ATF6: variants seen among roughly 807,000 people sequenced by gnomAD.
ATF6 encodes activating transcription factor 6, also known as cyclic AMP-dependent transcription factor ATF-6 alpha.
In ATF6, 53 loss-of-function variants were observed where a neutral mutation model predicts 83.6. That is an observed-to-expected ratio of 0.63 (90% CI 0.51 to 0.80). The LOEUF is 0.80. Among genes scored for constraint, ATF6 ranks in the 30% least tolerant of loss-of-function variants. The pLI is 0.00. For synonymous variants in ATF6, 288 were observed against 285.8 expected (o/e 1.01, Z -0.08); for missense variants, 744 against 797.9 (o/e 0.93, Z 0.81).
intron 7 of ATF6, among the ~76,000 whole-genome samples, chr1:161,813,954 G>A (rs1030840641): frequency 8.1e-5 from 12 of 148,892 alleles, no homozygotes; most frequent in African/African-American, 2.5e-4. Flanking sequence ...GTGTGATCTC[G>A]GCTCACCACA....
intron 14 of ATF6, among the ~76,000 whole-genome samples, chr1:161,896,492 G>C (rs560436583): frequency 3.9e-5 from 6 of 152,306 alleles, no homozygotes; most frequent in African/African-American, 1.2e-4. Context: ...TTAGTGAAGT[G>C]TAGTAATCCC....
At chr1:161,928,619 CT>C (rs77570576) in intron 15 of ATF6, among the ~76,000 whole-genome samples, 1,967 of 138,052 alleles carry the variant, frequency 0.014, 15 homozygotes, top group Non-Finnish European at 0.019. Context: ...ATACAAAAGC[CT>C]TTTTTTTAAA....
intron 9 of ATF6, among the ~76,000 whole-genome samples, chr1:161,832,256 A>C (rs1199038741): frequency 6.6e-6 from 1 of 152,232 alleles, no homozygotes; most frequent in Non-Finnish European, 1.5e-5. Context: ...TATAAAAACA[A>C]TGACCAGGTT....
chr1:161,835,548 G>C (rs1253171131), intron 9 of ATF6, among the ~76,000 whole-genome samples: 1 of 152,058 alleles, frequency 6.6e-6, no homozygotes, highest in Non-Finnish European at 1.5e-5. Context: ...GTATAGTTTT[G>C]TATTTCTTTC....
intron 7 of ATF6, among the ~76,000 whole-genome samples, chr1:161,815,985 T>C (rs1685602391): frequency 6.6e-6 from 1 of 152,198 alleles, no homozygotes; most frequent in Non-Finnish European, 1.5e-5. Context: ...TGGACGTACT[T>C]GAAACTTTGA....
chr1:161,767,380 A>G (rs534827597), intron 1 of ATF6, among the ~76,000 whole-genome samples: 247 of 152,350 alleles, frequency 1.6e-3, no homozygotes, highest in Middle Eastern at 0.014. Flanking sequence ...GATGTTCTCT[A>G]AAACTATATT....
chr1:161,781,077 A>C (rs1299074770), intron 2 of ATF6, among the ~76,000 whole-genome samples: 1 of 152,200 alleles, frequency 6.6e-6, no homozygotes, highest in Non-Finnish European at 1.5e-5. Flanking sequence ...CAGACACTTA[A>C]TTTAAAATAG....
rs1686639106 is a variant in ATF6, at chr1:161,851,822, A to G, written c.1420A>G (p.Thr474Ala). The G allele has an allele frequency of 3.1e-6, 5 of 1,612,322 alleles. No individual in the cohort carries two copies. The highest frequency in any genetic ancestry group is 3.4e-6 in the Non-Finnish European group (4 of 1,178,446). ...PPPCQPLINT[T>A]ESLRLNHELR... ...TCCTTGTCAGCCCCTAATTAACACA[A>G]CAGAGTCTCTCAGGTGAGTGTTGTA... Residue 474 changes from threonine (T) to alanine (A), a missense_variant, in exon 11 of 16, where the codon ACA becomes GCA. Thr to Ala is a moderately conservative substitution (Grantham distance 58, BLOSUM62 0). Coordinates refer to ENST00000367942, the MANE Select transcript of ATF6 (RefSeq NM_007348.4).
chr1:161,877,175 A>C (rs1304270750), intron 14 of ATF6, among the ~76,000 whole-genome samples: 1 of 152,074 alleles, frequency 6.6e-6, no homozygotes, highest in Non-Finnish European at 1.5e-5. Context: ...CTCAGAAAAT[A>C]GTTTTTCAGG....
chr1:161,875,290 C>G (rs1486132973), intron 14 of ATF6, among the ~76,000 whole-genome samples: 1 of 151,750 alleles, frequency 6.6e-6, no homozygotes, highest in East Asian at 1.9e-4. Flanking sequence ...TTAGTTGCAA[C>G]ACGGAAGCCA....
At chr1:161,866,928 T>C (rs142874823) in intron 14 of ATF6, among the ~76,000 whole-genome samples, 3 of 152,270 alleles carry the variant, frequency 2.0e-5, no homozygotes, top group African/African-American at 7.2e-5. Context: ...TTATTTATTT[T>C]TTGTAGAGAT....
At chr1:161,873,456 G>C (rs570150181) in intron 14 of ATF6, among the ~76,000 whole-genome samples, 15 of 151,546 alleles carry the variant, frequency 9.9e-5, no homozygotes, top group Non-Finnish European at 1.8e-4. Context: ...CAGGATCAAG[G>C]TCTGAAACAC....
At chr1:161,843,464 A>G (rs549097913) in intron 9 of ATF6, among the ~76,000 whole-genome samples, 20 of 152,326 alleles carry the variant, frequency 1.3e-4, no homozygotes, top group Middle Eastern at 3.4e-3. Context: ...TGAATCATTC[A>G]TTCTGGGAAA....
intron 15 of ATF6, among the ~76,000 whole-genome samples, chr1:161,913,516 CAT>C (rs1470628664): frequency 2.6e-5 from 4 of 152,102 alleles, no homozygotes; most frequent in Non-Finnish European, 4.4e-5. Context: ...ACTTCATAGA[CAT>C]AAACATAAAT....
At chr1:161,900,883 TAAAA>T (rs1211561703) in intron 14 of ATF6, among the ~76,000 whole-genome samples, 2 of 152,060 alleles carry the variant, frequency 1.3e-5, no homozygotes, top group Non-Finnish European at 2.9e-5. Flanking sequence ...AAACTTTGAT[TAAAA>T]AAAGTATTTT....
chr1:161,866,654 AAT>A (rs1267959648), intron 14 of ATF6, among the ~76,000 whole-genome samples: 1 of 152,128 alleles, frequency 6.6e-6, no homozygotes, highest in African/African-American at 2.4e-5. Flanking sequence ...GAGGTTGGAG[AAT>A]AACTTTTTCT....
chr1:161,833,105 G>C (rs546613771), intron 9 of ATF6, among the ~76,000 whole-genome samples: 3 of 152,140 alleles, frequency 2.0e-5, no homozygotes, highest in African/African-American at 7.2e-5. Context: ...ACCAATATCC[G>C]CTGTTCTGCA....
chr1:161,774,537 A>T (rs1684472447), intron 1 of ATF6, among the ~76,000 whole-genome samples: 1 of 152,168 alleles, frequency 6.6e-6, no homozygotes, highest in Non-Finnish European at 1.5e-5. Flanking sequence ...TGCCTTTTAC[A>T]CAGACTCCTC....
At chr1:161,785,288 T>C (rs979454406) in intron 4 of ATF6, among the ~76,000 whole-genome samples, 7 of 152,172 alleles carry the variant, frequency 4.6e-5, no homozygotes, top group Non-Finnish European at 8.8e-5. Context: ...GGAAAACTCA[T>C]CCTTCAAGTC....
Sources: allele counts gnomAD v4.1 joint callset (sites outside exome capture counted in the v4.1 genomes callset), GRCh38; gene constraint gnomAD v4.1.1; transcripts MANE v1.5; gene names NCBI Gene and HGNC (gene_info 2026-07-23, HGNC 2026-07-21).